Variants in CPLANE1 observed in about 807,000 individuals in gnomAD.
CPLANE1 encodes the protein ciliogenesis and planar polarity effector 1.
Under a neutral mutation model 362.5 loss-of-function variants are expected in CPLANE1, and 263 were observed. The ratio of observed to expected loss-of-function variants is 0.73; its 90% CI spans 0.66 to 0.80. The LOEUF is 0.80. Ranked by LOEUF, CPLANE1 falls within the 30% of genes least tolerant of loss-of-function variation. The pLI, the probability that CPLANE1 is intolerant of heterozygous loss-of-function variation, is 0.00. For missense variants in CPLANE1, 3,461 were observed against 3,793.4 expected (o/e 0.91, Z 2.30); for synonymous variants, 1,212 against 1,302.6 (o/e 0.93, Z 1.50).
chr5:37,224,837 CA>C, intron 12 of CPLANE1, 97 bp from the exon 13 acceptor site: 2 of 705,204 alleles, frequency 2.8e-6, no homozygotes, highest in Non-Finnish European at 4.7e-6. Context: ...CTGTATTCTT[CA>C]TCGGTATAAC....
chr5:37,138,780 A>T lies in CPLANE1; in HGVS notation c.8732T>A (p.Ile2911Asn), dbSNP rs1463191144. 6.2e-7 allele frequency: 1 copy of T among 1,613,344 alleles called. No homozygotes were observed. The highest frequency in any genetic ancestry group is 1.3e-5 in the African/African-American group (1 of 75,026). The change falls in exon 46 of 53, where the codon ATT becomes AAT. Residue 2911 changes from isoleucine to asparagine, a missense_variant. Around this residue, in one of 2 missense-constraint regions of CPLANE1, gnomAD observed 3,380 missense variants for 3,666.1 expected, o/e 0.92. Transcript: ENST00000651892. The stretch of plus-strand genomic sequence containing the variant: ...TTCTTCACTGGAAACTCCGTCTTTA[A>T]TTATAAGGTCATCAATAATGTCTGC... ...DIADIIDDLI[I>N]KDGVSSEELG...
At chr5:37,098,338 C>T in the CPLANE1 span, among the ~76,000 whole-genome samples, 1 of 142,000 alleles carries the variant, frequency 7.0e-6, no homozygotes, top group African/African-American at 2.7e-5. Flanking sequence ...TTGCAGTGAG[C>T]CGATATCATG....
intron 48 of CPLANE1, among the ~76,000 whole-genome samples, 175 bp from the exon 49 acceptor site, chr5:37,121,959 A>C (rs1319873685): frequency 6.6e-6 from 1 of 150,664 alleles, no homozygotes; most frequent in Non-Finnish European, 1.5e-5. Flanking sequence ...GGCTCACTGC[A>C]ACCTCCGCCT....
At chr5:37,194,024 T>C (rs1786469495) in intron 21 of CPLANE1, among the ~76,000 whole-genome samples, 1 of 151,292 alleles carries the variant, frequency 6.6e-6, no homozygotes, top group Non-Finnish European at 1.5e-5. Flanking sequence ...CAGGTTCAAG[T>C]GATTCTCCTG....
rs1204605921 is a variant in CPLANE1 at position 37,227,591 on chromosome 5, A to C, written c.1348T>G (p.Tyr450Asp). 2.6e-6 allele frequency: 4 copies of C among 1,551,182 alleles called. No homozygotes were observed. In the African/African-American group the frequency reaches 5.5e-5, roughly 21 times the overall value. ...ACCTTAGACAATATCACACTTTGAT[A>C]TATTTTCTCAAGCCTCTGGGTTGAA... Reference protein sequence around the residue: ...LDSTQRLEKIYQSVILSKPKG... With the variant: ...LDSTQRLEKIDQSVILSKPKG... The change falls in exon 10 of 53, where the codon TAT (tyrosine) becomes GAT (aspartate). Residue 450 changes from tyrosine (Y) to aspartate (D), a missense_variant. Around this residue, in one of 2 missense-constraint regions of CPLANE1, gnomAD observed 3,380 missense variants for 3,666.1 expected, o/e 0.92. Coordinates refer to ENST00000651892, the MANE Select transcript of CPLANE1 (RefSeq NM_001384732.1).
chr5:37,140,506 T>C (rs1010605190), intron 44 of CPLANE1: 3 of 984,300 alleles, frequency 3.0e-6, no homozygotes, highest in Non-Finnish European at 3.6e-6. Flanking sequence ...CTACCCCTTA[T>C]AGCTTTTTAC....
chr5:37,179,177 A>G (rs1207170982), intron 29 of CPLANE1, among the ~76,000 whole-genome samples, 184 bp downstream of exon 29: 1 of 152,154 alleles, frequency 6.6e-6, no homozygotes, highest in Non-Finnish European at 1.5e-5. Context: ...AGGTTACTAC[A>G]CTGTACTAGA....
At chr5:37,202,851 G>T (rs1272237224) in intron 18 of CPLANE1, among the ~76,000 whole-genome samples, 2 of 151,710 alleles carry the variant, frequency 1.3e-5, no homozygotes, top group East Asian at 3.9e-4. Context: ...TCTTTCTGTT[G>T]TGTGTTCTAC....
intron 41 of CPLANE1, among the ~76,000 whole-genome samples, chr5:37,155,500 G>T (rs1048381860): frequency 3.9e-5 from 6 of 152,100 alleles, no homozygotes; most frequent in African/African-American, 1.4e-4. Flanking sequence ...TCAGCCTCTT[G>T]AGTAGCTGGG....
intron 10 of CPLANE1, 25 bp downstream of exon 10, chr5:37,227,543 C>T: frequency 6.6e-7 from 1 of 1,512,416 alleles, no homozygotes. Flanking sequence ...GCAACTTTCC[C>T]CAATGATATA....
In CPLANE1 at chr5:37,169,492, A is replaced by G; in HGVS notation, c.6532T>C (p.Ser2178Pro). The change falls in exon 34 of 53, where the codon TCA (serine) becomes CCA (proline). Residue 2178 changes from serine (S) to proline (P), a missense_variant. Coordinates refer to ENST00000651892, the MANE Select transcript of CPLANE1 (RefSeq NM_001384732.1). ...GAAGTGGATGGTAAGTTTTGAGATG[A>G]TGGAATTGGTCCTTTTTTCCGGGGC... is the stretch of plus-strand genomic sequence containing the variant. ...GQPRKKGPIP[S>P]SQNLPSTSFY... 1 of 1,614,104 alleles carries G rather than the reference A, an allele frequency of 6.2e-7. No homozygotes were observed. The highest frequency in any genetic ancestry group is 8.5e-7 in the Non-Finnish European group (1 of 1,180,002).
chr5:37,101,504 G>GT (rs1757287750), downstream of CPLANE1, among the ~76,000 whole-genome samples: 1 of 152,204 alleles, frequency 6.6e-6, no homozygotes, highest in Non-Finnish European at 1.5e-5. Context: ...TGGTTTGCCA[G>GT]TATTAATGTT....
chr5:37,198,691 T>C lies in CPLANE1; in HGVS notation c.3672+11A>G, dbSNP rs1788268685. 6.2e-7 allele frequency: 1 copy of C among 1,608,902 alleles called. No individual in the cohort carries two copies. The highest frequency in any genetic ancestry group is 8.5e-7 in the Non-Finnish European group (1 of 1,176,732). On this transcript the variant is annotated intron_variant, in intron 20 of 52. Coordinates refer to ENST00000651892, the MANE Select transcript of CPLANE1 (RefSeq NM_001384732.1). ...TAACACAGCATGTAAATGACTAAGA[T>C]ATTTCCATACCTTCTGCATGACTTT...
At chr5:37,098,390 C>CAAA in the CPLANE1 span, among the ~76,000 whole-genome samples, 1,292 of 37,384 alleles carry the variant, frequency 0.035, 109 homozygotes, top group African/African-American at 0.074. Context: ...AACTCCGTCT[C>CAAA]AAAAAAAAAA....
Position 37,226,830 on chromosome 5 carries a change from TCA to T in CPLANE1, c.1763_1764del (p.Val588AspfsTer30). 6.4e-7 allele frequency: 1 copy of T among 1,550,626 alleles called. No homozygotes were observed. ...TAATTTAACATTAAATTTTTTTCTG[TCA>T]CAGTTTTTGAAATTCCTATAGTCCA... ...AAWTIGISKT[V>X]TEKNLMLNYI... On this transcript the variant is annotated frameshift_variant, in exon 12 of 53. Coordinates refer to ENST00000651892, the MANE Select transcript of CPLANE1 (RefSeq NM_001384732.1). LOFTEE classifies it high-confidence loss of function.
At position 37,119,569 on chromosome 5, in the gene CPLANE1, C is replaced by G. The variant is rs1406155179; in HGVS notation, c.9310+647G>C. On this transcript the variant is annotated intron_variant, in intron 50 of 52. Transcript: ENST00000651892. The stretch of plus-strand genomic sequence containing the variant: ...CCTATAATCCCAGCTATTTGGGAGG[C>G]TGAGGCAGGAGAATCACTTGAACCT... Among the ~76,000 whole-genome samples the G allele has an allele frequency of 3.9e-5, 6 of 152,200 alleles. No homozygotes were observed. The South Asian group carries it at 6.2e-4, about 16-fold the overall frequency.
chr5:37,094,353 T>A, the CPLANE1 span, among the ~76,000 whole-genome samples: 297 of 152,272 alleles, frequency 2.0e-3, 4 homozygotes, highest in South Asian at 0.035. Flanking sequence ...GTCAATGAAA[T>A]CAAGACTGAA....
chr5:37,125,323 T>C lies in CPLANE1; in HGVS notation c.8879A>G (p.Glu2960Gly), dbSNP rs1388357376. 3.1e-6 allele frequency: 5 copies of C among 1,614,080 alleles called. 1 individual carries two copies. The Admixed American group carries it at 6.7e-5, about 22-fold the overall frequency. ...IQAWMKRKRK[E>G]RMAKYLNELA... The stretch of plus-strand genomic sequence containing the variant: ...CTCATTTAAGTACTTTGCCATTCTT[T>C]CTTTTCGTTTTCTTTTCATCCAGGC... The change falls in exon 47 of 53, where the codon GAA becomes GGA. Residue 2960 changes from glutamate to glycine, a missense_variant. Transcript: ENST00000651892.
At position 37,179,354 on chromosome 5, in the gene CPLANE1, G is replaced by A. The variant is rs185534019; in HGVS notation, c.5820+7C>T. 355 of 1,558,932 alleles carry A rather than the reference G, an allele frequency of 2.3e-4. 2 individuals are homozygous for A. The East Asian group carries it at 7.2e-3, about 32-fold the overall frequency. On this transcript the variant is annotated splice_region_variant and intron_variant, in intron 29 of 52. Coordinates refer to ENST00000651892, the MANE Select transcript of CPLANE1 (RefSeq NM_001384732.1). Reference sequence around the variant, plus strand: ...AGAATAATTATATCCACTATTTATTGACTTACTTCTTCTAACTGCTGTGGT... The same window carrying A: ...AGAATAATTATATCCACTATTTATTAACTTACTTCTTCTAACTGCTGTGGT...
Sources: gnomAD v4.1 joint callset for allele counts (sites outside exome capture counted in the v4.1 genomes callset) on GRCh38, gnomAD v4.1.1 for gene constraint, gnomAD v4.1.1 regional missense constraint, MANE v1.5 for transcripts, NCBI Gene and HGNC (gene_info 2026-07-23, HGNC 2026-07-21) for gene names.